The following LITAF variants were observed in gnomAD, a reference collection of about 807,000 sequenced individuals.
The protein encoded by LITAF is lipopolysaccharide-induced tumor necrosis factor-alpha factor.
LITAF carries 9 observed loss-of-function variants against 14.5 expected under a neutral mutation model. That is an observed-to-expected ratio of 0.62 (90% CI 0.37 to 1.08). LITAF has a LOEUF of 1.08. LITAF is among the 50% of genes least tolerant of loss of function. LITAF has a pLI of 0.01. For synonymous variants in LITAF, 98 were observed against 88.2 expected (o/e 1.11, Z -0.62); for missense variants, 206 against 213.4 (o/e 0.97, Z 0.22).
At chr16:11,638,240 AT>A (rs1403152760), upstream of LITAF, among the ~76,000 whole-genome samples, 1 of 151,372 alleles carries the variant, frequency 6.6e-6, no homozygotes, top group Non-Finnish European at 1.5e-5. Context: ...GGGAACAGTA[AT>A]AGTCCACTTC....
At position 11,553,450 on chromosome 16, in the gene LITAF, C is replaced by T; in HGVS notation, c.377+83G>A. On this transcript the variant is annotated intron_variant, in intron 3 of 3. Transcript: ENST00000622633. The surrounding 1 kb of genome is among the most constrained non-coding windows in gnomAD (Gnocchi z 7.7). Reference sequence around the variant, plus strand: ...CAAATGTCTGGCCCTGAATGTCAAGCATGGTGCAGTTGAGAACCCACCCCC... The same window carrying T: ...CAAATGTCTGGCCCTGAATGTCAAGTATGGTGCAGTTGAGAACCCACCCCC... 2.1e-6 allele frequency: 3 copies of T among 1,419,948 alleles called. No homozygotes were observed. Among genetic ancestry groups the T allele is most frequent in the Middle Eastern group, 2.0e-4 (1 of 5,080 alleles). The allele number at this position is 1,419,948 out of a possible 1,614,324, so 88.0% of individuals were successfully genotyped here. A position where few individuals can be genotyped will look rare whatever the true frequency, so the allele number is the denominator to read the frequency against.
At chr16:11,621,934 C>G (rs78821632) in intron 3 of LITAF, among the ~76,000 whole-genome samples, 3,114 of 152,256 alleles carry the variant, frequency 0.02, 120 homozygotes, top group African/African-American at 0.072. Flanking sequence ...CAAGACCTTC[C>G]CATTTTTTTC....
intron 2 of LITAF, among the ~76,000 whole-genome samples, chr16:11,554,750 T>C (rs992766381): frequency 2.3e-5 from 3 of 131,842 alleles, no homozygotes; most frequent in East Asian, 4.5e-4. Flanking sequence ...ATTATGCCAC[T>C]GCACTCCAGC....
chr16:11,587,948 C>T (rs1490174258), upstream of LITAF, among the ~76,000 whole-genome samples: 2 of 152,146 alleles, frequency 1.3e-5, no homozygotes, highest in Admixed American at 1.3e-4. Flanking sequence ...TCTTAGAACC[C>T]TCCGGTGCCC....
intron 3 of LITAF, among the ~76,000 whole-genome samples, chr16:11,631,913 A>C (rs1410830309): frequency 2.0e-5 from 3 of 150,050 alleles, no homozygotes; most frequent in Admixed American, 6.7e-5. Context: ...GCAACAGCAC[A>C]ATCTCAGCTC....
intron 1 of LITAF, among the ~76,000 whole-genome samples, chr16:11,571,397 C>T (rs2141788893): frequency 6.6e-6 from 1 of 152,318 alleles, no homozygotes; most frequent in South Asian, 2.1e-4. Context: ...AGGAAGCCCA[C>T]TGCAGACTTC....
chr16:11,561,650 A>G (rs1191950021), intron 1 of LITAF: 2 of 152,174 alleles, frequency 1.3e-5, no homozygotes, highest in Admixed American at 6.5e-5. Context: ...TTCTAAATAA[A>G]TTCCACAGTC....
chr16:11,568,810 G>C (rs1255470483), intron 1 of LITAF, among the ~76,000 whole-genome samples: 1 of 151,708 alleles, frequency 6.6e-6, no homozygotes, highest in Non-Finnish European at 1.5e-5. Flanking sequence ...TTCCTGAGTA[G>C]CTGGGACTAC....
chr16:11,593,118 C>T (rs969523906), intron 1 of LITAF, among the ~76,000 whole-genome samples: 31 of 151,970 alleles, frequency 2.0e-4, no homozygotes, highest in African/African-American at 5.6e-4. Context: ...TTGCAGTGAG[C>T]GGAGATTGCG....
rs916853889 is a variant in LITAF, at chr16:11,586,511, A to C, written c.-6+375T>G. On this transcript the variant is annotated intron_variant, in intron 1 of 3. Coordinates refer to ENST00000622633, the MANE Select transcript of LITAF (RefSeq NM_001136472.2). The surrounding 1 kb of genome is among the most constrained non-coding windows in gnomAD (Gnocchi z 6.5). ...GAAATCTCAACCTGAGTCACTAGAG[A>C]GAATCGCGCCTTTTTCTAAAAAGCC... The C allele has an allele frequency of 6.6e-6, 1 of 152,064 alleles. No homozygotes were observed. The highest frequency in any genetic ancestry group is 2.4e-5 in the African/African-American group (1 of 41,398). The allele number at this position is 152,064 out of a possible 1,614,324, so 9.4% of individuals were successfully genotyped here.
At chr16:11,566,623 G>A (rs2064454802) in intron 1 of LITAF, among the ~76,000 whole-genome samples, 1 of 152,122 alleles carries the variant, frequency 6.6e-6, no homozygotes, top group Non-Finnish European at 1.5e-5. Context: ...AAATCAGCTG[G>A]GCGTGATGGC....
In LITAF at chr16:11,553,820, G is replaced by A. The variant is rs56194077; in HGVS notation, c.221-131C>T. The stretch of plus-strand genomic sequence containing the variant: ...TTGTACATTTGTGTTCATAGCATGC[G>A]TTCATCGTCTGGCTATCTATGAGAG... On this transcript the variant is annotated intron_variant, in intron 2 of 3. Coordinates refer to ENST00000622633, the MANE Select transcript of LITAF (RefSeq NM_001136472.2). This position sits in a 1 kb window ranked among gnomAD's most constrained non-coding sequence, Gnocchi z 7.7. The A allele has an allele frequency of 0.055, 57,908 of 1,053,306 alleles. 1,807 individuals are homozygous for A. Among genetic ancestry groups the A allele is most frequent in the Non-Finnish European group, 0.061 (43,231 of 710,530 alleles). 65.2% of individuals were successfully genotyped at this position (1,053,306 alleles called of 1,614,324 possible).
Position 11,625,682 on chromosome 16 carries a change from G to C in LITAF, c.85+7851C>G, listed in dbSNP as rs569544707. 1.6e-4 allele frequency among the ~76,000 whole-genome samples: 24 copies of C among 152,298 alleles called. No homozygotes were observed. In the South Asian group the frequency reaches 4.1e-3, roughly 26 times the overall value. On this transcript the variant is annotated intron_variant, in intron 3 of 3. Coordinates refer to the LITAF transcript ENST00000574848. ...CTAGGTTGTGTGCTGAAGGAATGCA[G>C]TGACAGAAATCAGAGCAGAAAGAGA...
intron 1 of LITAF, among the ~76,000 whole-genome samples, chr16:11,563,730 C>T (rs1182640881): frequency 6.6e-6 from 1 of 152,044 alleles, no homozygotes; most frequent in Non-Finnish European, 1.5e-5. Context: ...TGGAAAGTCA[C>T]AAAGCTCAGC....
chr16:11,605,364 C>T lies in LITAF; in HGVS notation c.85+28169G>A, dbSNP rs1442878417. Reference sequence around the variant, plus strand: ...ACCCCCACGAGGCCCAGGATTCCTCCCAGGCGGGATCCTGTGCACCTCCCG... The same window carrying T: ...ACCCCCACGAGGCCCAGGATTCCTCTCAGGCGGGATCCTGTGCACCTCCCG... On this transcript the variant is annotated intron_variant, in intron 3 of 3. Transcript: ENST00000574848. The surrounding 1 kb of genome is among the most constrained non-coding windows in gnomAD (Gnocchi z 4.7). Among the ~76,000 whole-genome samples, 1 of 152,102 alleles carries T rather than the reference C, an allele frequency of 6.6e-6. No homozygotes were observed. The highest frequency in any genetic ancestry group is 1.5e-5 in the Non-Finnish European group (1 of 68,012).
intron 1 of LITAF, among the ~76,000 whole-genome samples, chr16:11,574,432 G>A (rs2064598160): frequency 6.6e-6 from 1 of 152,200 alleles, no homozygotes; most frequent in Non-Finnish European, 1.5e-5. Flanking sequence ...GGAACCAGGT[G>A]GACTAGGGGA....
At chr16:11,594,140 G>A (rs976214237) in intron 1 of LITAF, among the ~76,000 whole-genome samples, 56 of 151,680 alleles carry the variant, frequency 3.7e-4, no homozygotes, top group African/African-American at 1.3e-3. Context: ...GAGCCGAGAT[G>A]GCGCCACTGC....
chr16:11,601,041 C>A (rs1484837142), upstream of LITAF, among the ~76,000 whole-genome samples: 3 of 151,952 alleles, frequency 2.0e-5, no homozygotes, highest in Non-Finnish European at 4.4e-5. Context: ...CCCGCATCAC[C>A]GGCACATGAA....
At chr16:11,588,033 C>T (rs1323356590), upstream of LITAF, among the ~76,000 whole-genome samples, 1 of 152,120 alleles carries the variant, frequency 6.6e-6, no homozygotes, top group Non-Finnish European at 1.5e-5. Flanking sequence ...CCGGGTCCCT[C>T]AGCAAAGTGT....
Sources: allele counts gnomAD v4.1 joint callset (sites outside exome capture counted in the v4.1 genomes callset), GRCh38; gene constraint gnomAD v4.1.1; non-coding constraint Gnocchi (gnomAD v3.1); transcripts MANE v1.5; gene names NCBI Gene and HGNC (gene_info 2026-07-23, HGNC 2026-07-21).